CALN1: variants seen among roughly 807,000 people sequenced by gnomAD.
CALN1 encodes the protein calneuron 1.
CALN1 carries 17 observed loss-of-function variants against 30.6 expected under a neutral mutation model. That is an observed-to-expected ratio of 0.56 (90% CI 0.38 to 0.83). The LOEUF is 0.83. Ranked by LOEUF, CALN1 falls within the 40% of genes least tolerant of loss-of-function variation. The probability of loss-of-function intolerance (pLI) is 0.00; values close to 1 mark genes in which losing one functional copy is unlikely to be tolerated. For synonymous variants in CALN1, 156 were observed against 131.4 expected (o/e 1.19, Z -1.28); for missense variants, 291 against 354.9 (o/e 0.82, Z 1.45).
intron 4 of CALN1, among the ~76,000 whole-genome samples, chr7:72,025,513 T>C (rs1483453193): frequency 6.6e-6 from 1 of 152,182 alleles, no homozygotes; most frequent in Admixed American, 6.5e-5. Flanking sequence ...GCTCGTTCTT[T>C]CTTTGTTCAA....
At chr7:72,324,561 T>G (rs1435828501) in intron 2 of CALN1, among the ~76,000 whole-genome samples, 1 of 15,250 alleles carries the variant, frequency 6.6e-5, no homozygotes, top group Non-Finnish European at 2.4e-4. Flanking sequence ...AATGATGTAA[T>G]TTATTTATTT....
rs939412650 is a variant in CALN1, at chr7:72,152,206, T to C, written c.245-45912A>G. Among the ~76,000 whole-genome samples the C allele has an allele frequency of 7.9e-5, 12 of 152,254 alleles. 1 individual carries two copies. Among genetic ancestry groups the C allele is most frequent in the Admixed American group, 5.2e-4 (8 of 15,298 alleles). ...CAGGTGTGAGCCGCCATCCCTGGTCTATACATTCTTTCCAAACCCAAAGCT... is the reference window on the plus strand; with the variant it reads ...CAGGTGTGAGCCGCCATCCCTGGTCCATACATTCTTTCCAAACCCAAAGCT... On this transcript the variant is annotated intron_variant, in intron 3 of 6. Transcript: ENST00000395275.
At chr7:72,414,160 G>T (rs370943750), upstream of CALN1, among the ~76,000 whole-genome samples, 1 of 152,130 alleles carries the variant, frequency 6.6e-6, no homozygotes, top group African/African-American at 2.4e-5. Flanking sequence ...GAAGATCCAG[G>T]ATCCTAGAGT....
chr7:71,860,355 G>A (rs1228916363), intron 5 of CALN1, among the ~76,000 whole-genome samples: 1 of 152,016 alleles, frequency 6.6e-6, no homozygotes, highest in African/African-American at 2.4e-5. Flanking sequence ...ACCATGCCCA[G>A]CTAATTTTTG....
chr7:72,085,626 A>T (rs1165981423), intron 4 of CALN1, among the ~76,000 whole-genome samples: 1 of 152,210 alleles, frequency 6.6e-6, no homozygotes, highest in African/African-American at 2.4e-5. Context: ...TAAGCCACAG[A>T]GTGGGAAAAA....
At chr7:72,201,881 G>A (rs1585151349) in intron 3 of CALN1, among the ~76,000 whole-genome samples, 1 of 152,052 alleles carries the variant, frequency 6.6e-6, no homozygotes, top group Non-Finnish European at 1.5e-5. Flanking sequence ...GACAGAAGAC[G>A]CAGCCTGGAG....
intron 4 of CALN1, among the ~76,000 whole-genome samples, chr7:72,054,478 T>TATATAC: frequency 2.3e-5 from 1 of 43,876 alleles, no homozygotes; most frequent in African/African-American, 7.0e-5. Context: ...CATATATACA[T>TATATAC]ACATATATAT....
At chr7:72,185,742 A>G (rs1185983676) in intron 3 of CALN1, among the ~76,000 whole-genome samples, 4 of 152,164 alleles carry the variant, frequency 2.6e-5, no homozygotes, top group Non-Finnish European at 4.4e-5. Context: ...GTGGTAGTGA[A>G]TAAGTCTCAC....
At chr7:71,934,576 C>T (rs1425189735) in intron 5 of CALN1, among the ~76,000 whole-genome samples, 3 of 152,122 alleles carry the variant, frequency 2.0e-5, no homozygotes, top group Admixed American at 2.0e-4. Context: ...TTTAAGCAAC[C>T]AGCTCTTGAA....
intron 2 of CALN1, among the ~76,000 whole-genome samples, chr7:72,374,483 A>C (rs980914576): frequency 2.8e-4 from 41 of 144,962 alleles, no homozygotes; most frequent in Non-Finnish European, 4.5e-5. Context: ...GTGAGCCAAG[A>C]TTGTGCCACA....
chr7:72,006,870 A>G (rs1235970925), intron 5 of CALN1, among the ~76,000 whole-genome samples: 1 of 151,894 alleles, frequency 6.6e-6, no homozygotes, highest in Admixed American at 6.6e-5. Context: ...GACTCCTAAA[A>G]TAACTTCATA....
chr7:72,420,331 C>A (rs1807564782), intron 1 of CALN1, among the ~76,000 whole-genome samples: 1 of 152,126 alleles, frequency 6.6e-6, no homozygotes, highest in African/African-American at 2.4e-5. Flanking sequence ...ACTACATGAC[C>A]TGGCTCTAAA....
chr7:72,429,707 T>C (rs1480469929), intron 1 of CALN1, among the ~76,000 whole-genome samples: 1 of 148,720 alleles, frequency 6.7e-6, no homozygotes, highest in Non-Finnish European at 1.5e-5. Context: ...TAAATATATA[T>C]AATTATTATA....
chr7:72,140,858 AG>A (rs1342842836), intron 3 of CALN1, among the ~76,000 whole-genome samples: 6 of 152,254 alleles, frequency 3.9e-5, no homozygotes, highest in African/African-American at 1.4e-4. Flanking sequence ...CAAGTACATC[AG>A]GGCTGCCTGC....
At chr7:72,404,407 T>C (rs1562952073) in intron 1 of CALN1, among the ~76,000 whole-genome samples, 1 of 152,100 alleles carries the variant, frequency 6.6e-6, no homozygotes, top group East Asian at 1.9e-4. Flanking sequence ...TCATTGAAGG[T>C]AAAAACAAAC....
At chr7:72,080,030 C>G (rs1048401480) in intron 4 of CALN1, among the ~76,000 whole-genome samples, 5 of 151,944 alleles carry the variant, frequency 3.3e-5, no homozygotes, top group African/African-American at 1.2e-4. Flanking sequence ...CTCGGCCTCC[C>G]GAAGTGCTGG....
chr7:71,823,898 G>A (rs1407139567), intron 5 of CALN1, among the ~76,000 whole-genome samples: 1 of 152,124 alleles, frequency 6.6e-6, no homozygotes, highest in Non-Finnish European at 1.5e-5. Flanking sequence ...GAGAACTTGT[G>A]CAAAGGGACT....
intron 2 of CALN1, among the ~76,000 whole-genome samples, chr7:72,329,457 A>G (rs1315828872): frequency 1.3e-5 from 2 of 152,088 alleles, no homozygotes; most frequent in Non-Finnish European, 2.9e-5. Context: ...CCACAGGGTG[A>G]CCCTATATGA....
intron 2 of CALN1, among the ~76,000 whole-genome samples, chr7:72,343,062 G>GT (rs1350844200): frequency 1.3e-5 from 2 of 152,118 alleles, no homozygotes; most frequent in Non-Finnish European, 2.9e-5. Context: ...GAGTGCTGCT[G>GT]TAACAATAAC....
Sources: gnomAD v4.1 joint callset for allele counts (sites outside exome capture counted in the v4.1 genomes callset) on GRCh38, gnomAD v4.1.1 for gene constraint, MANE v1.5 for transcripts, NCBI Gene and HGNC (gene_info 2026-07-23, HGNC 2026-07-21) for gene names.